Variants in LRRTM4 observed in about 807,000 individuals in gnomAD.
LRRTM4 encodes leucine rich repeat transmembrane neuronal 4.
A neutral mutation model predicts 47.6 loss-of-function variants in LRRTM4; 25 were observed. The ratio of observed to expected loss-of-function variants is 0.53; its 90% CI spans 0.38 to 0.73. The LOEUF is 0.73. Ranked by LOEUF, LRRTM4 falls within the 30% of genes least tolerant of loss-of-function variation. The pLI is 0.00. For missense variants in LRRTM4, 638 were observed against 713.4 expected, an observed-to-expected ratio of 0.89 and a Z score of 1.20; for synonymous variants, 311 against 269.5, an observed-to-expected ratio of 1.15 and a Z score of -1.51.
chr2:77,007,296 A>T (rs946737369), intron 3 of LRRTM4, among the ~76,000 whole-genome samples: 1 of 152,158 alleles, frequency 6.6e-6, no homozygotes, highest in Non-Finnish European at 1.5e-5. Flanking sequence ...GGAAGCAATC[A>T]TCAAGGCTTC....
At chr2:76,855,842 G>A (rs974887821) in intron 3 of LRRTM4, among the ~76,000 whole-genome samples, 12 of 152,010 alleles carry the variant, frequency 7.9e-5, no homozygotes, top group African/African-American at 2.9e-4. Context: ...CACAAATAAC[G>A]CTGTTATTGA....
At chr2:77,511,728 A>G (rs1238240140) in intron 3 of LRRTM4, among the ~76,000 whole-genome samples, 1 of 151,754 alleles carries the variant, frequency 6.6e-6, no homozygotes, top group East Asian at 1.9e-4. Flanking sequence ...TTTCTTTCTG[A>G]ATTTCTTACA....
chr2:77,430,674 C>A (rs1675335607), intron 3 of LRRTM4, among the ~76,000 whole-genome samples: 1 of 145,948 alleles, frequency 6.9e-6, no homozygotes, highest in Non-Finnish European at 1.5e-5. Flanking sequence ...TGAGCTGAGA[C>A]CACGCCATTG....
At chr2:77,044,931 A>G (rs532472516) in intron 3 of LRRTM4, among the ~76,000 whole-genome samples, 8 of 151,824 alleles carry the variant, frequency 5.3e-5, no homozygotes, top group South Asian at 2.1e-4. Flanking sequence ...GTATATGTGT[A>G]TATGTGTGTG....
intron 3 of LRRTM4, among the ~76,000 whole-genome samples, chr2:77,173,587 C>T (rs1228048692): frequency 6.6e-6 from 1 of 152,160 alleles, no homozygotes; most frequent in African/African-American, 2.4e-5. Flanking sequence ...CACTCTCCTT[C>T]CACTGTATAC....
intron 3 of LRRTM4, among the ~76,000 whole-genome samples, chr2:76,814,308 AAG>A (rs1159246878): frequency 6.6e-6 from 1 of 152,194 alleles, no homozygotes; most frequent in Non-Finnish European, 1.5e-5. Context: ...GTGTTACAAC[AAG>A]AGAGTTAAAA....
chr2:76,863,989 A>C lies in LRRTM4; in HGVS notation c.1552-115073T>G, dbSNP rs149114500. Among the ~76,000 whole-genome samples, 355 of 152,322 alleles carry C rather than the reference A, an allele frequency of 2.3e-3. 2 individuals carry two copies. The South Asian group carries it at 0.033, about 14-fold the overall frequency. On this transcript the variant is annotated intron_variant, in intron 3 of 3. Transcript: ENST00000409884. Reference sequence around the variant, plus strand: ...AAAAGATTCAGACTATAAGTAGTTCACCACATTTTAACAGAGGAAAATCAA... The same window carrying C: ...AAAAGATTCAGACTATAAGTAGTTCCCCACATTTTAACAGAGGAAAATCAA...
chr2:77,482,476 T>C (rs534928354), intron 3 of LRRTM4, among the ~76,000 whole-genome samples: 1 of 151,242 alleles, frequency 6.6e-6, no homozygotes, highest in Non-Finnish European at 1.5e-5. Context: ...CTGTGATTAA[T>C]TTCTATGCTA....
intron 3 of LRRTM4, among the ~76,000 whole-genome samples, chr2:76,812,769 T>TCCCCCCCCC (rs1670778372): frequency 1.4e-5 from 1 of 71,264 alleles, no homozygotes; most frequent in Non-Finnish European, 2.5e-5. Flanking sequence ...CCTCCTCCTC[T>TCCCCCCCCC]CCCTCCCCCT....
At chr2:76,941,104 CAAT>C (rs1481160444) in intron 3 of LRRTM4, among the ~76,000 whole-genome samples, 1 of 151,000 alleles carries the variant, frequency 6.6e-6, no homozygotes, top group Non-Finnish European at 1.5e-5. Context: ...AGGTGAGACA[CAAT>C]AAAGAAGAAG....
intron 3 of LRRTM4, among the ~76,000 whole-genome samples, chr2:76,841,003 T>C (rs1404259740): frequency 6.6e-6 from 1 of 151,248 alleles, no homozygotes; most frequent in African/African-American, 2.5e-5. Flanking sequence ...CTACTCACAA[T>C]AGCAAAGACT....
chr2:77,207,674 T>C (rs1018617699), intron 3 of LRRTM4, among the ~76,000 whole-genome samples: 5 of 151,760 alleles, frequency 3.3e-5, no homozygotes, highest in Non-Finnish European at 7.4e-5. Context: ...CAATTCTGGA[T>C]GGTATGTAGA....
intron 3 of LRRTM4, among the ~76,000 whole-genome samples, chr2:77,429,985 G>T (rs1432767844): frequency 6.6e-6 from 1 of 152,118 alleles, no homozygotes; most frequent in Non-Finnish European, 1.5e-5. Flanking sequence ...GGAATCACTT[G>T]GACCCAGGAG....
chr2:77,239,338 T>G (rs1675196835), intron 3 of LRRTM4, among the ~76,000 whole-genome samples: 1 of 151,968 alleles, frequency 6.6e-6, no homozygotes, highest in Non-Finnish European at 1.5e-5. Flanking sequence ...AATAGAAATA[T>G]ACTTCATCAT....
At chr2:77,069,528 G>A (rs920239916) in intron 3 of LRRTM4, among the ~76,000 whole-genome samples, 2 of 151,830 alleles carry the variant, frequency 1.3e-5, no homozygotes, top group African/African-American at 4.8e-5. Context: ...ATCTTGTTCT[G>A]GACTTTTAAT....
intron 3 of LRRTM4, among the ~76,000 whole-genome samples, chr2:77,403,256 C>T (rs1252514150): frequency 4.0e-5 from 6 of 151,884 alleles, no homozygotes; most frequent in East Asian, 1.9e-4. Flanking sequence ...TGCCATCACC[C>T]GCACCCCCAG....
intron 3 of LRRTM4, among the ~76,000 whole-genome samples, chr2:76,956,488 A>T (rs1226179893): frequency 6.6e-6 from 1 of 151,562 alleles, no homozygotes; most frequent in Non-Finnish European, 1.5e-5. Flanking sequence ...TTATAGCAGC[A>T]AATGCCTACA....
chr2:77,481,062 A>T (rs1185678296), intron 3 of LRRTM4, among the ~76,000 whole-genome samples: 1 of 152,132 alleles, frequency 6.6e-6, no homozygotes, highest in Non-Finnish European at 1.5e-5. Context: ...CCCTAACTAG[A>T]TGTTCCTAAT....
intron 3 of LRRTM4, among the ~76,000 whole-genome samples, chr2:76,965,497 T>A (rs1675992920): frequency 6.6e-6 from 1 of 151,350 alleles, no homozygotes; most frequent in Non-Finnish European, 1.5e-5. Context: ...CATCTTTAAT[T>A]TCTAAACATT....
Sources: gnomAD v4.1 joint callset for allele counts (sites outside exome capture counted in the v4.1 genomes callset) on GRCh38, gnomAD v4.1.1 for gene constraint, MANE v1.5 for transcripts, NCBI Gene and HGNC (gene_info 2026-07-23, HGNC 2026-07-21) for gene names.